C4orf17: variants seen among roughly 807,000 people sequenced by gnomAD.
The protein encoded by C4orf17 is chromosome 4 open reading frame 17, also known as uncharacterized protein C4orf17.
C4orf17 carries 25 observed loss-of-function variants against 32.0 expected under a neutral mutation model. The observed-to-expected ratio is 0.78, with a 90% CI of 0.57 to 1.09. C4orf17 has a LOEUF of 1.09. Among genes scored for constraint, C4orf17 ranks in the 50% least tolerant of loss-of-function variants. C4orf17 has a pLI of 0.00. For missense variants in C4orf17, 420 were observed against 420.0 expected, an observed-to-expected ratio of 1.00 and a Z score of 0.00; for synonymous variants, 149 against 145.8, an observed-to-expected ratio of 1.02 and a Z score of -0.16.
intron 4 of C4orf17, 113 bp from the exon 5 acceptor site, chr4:99,529,702 T>G: frequency 1.3e-6 from 1 of 790,424 alleles, no homozygotes; most frequent in South Asian, 3.3e-5. Flanking sequence ...TTTTTTTACT[T>G]TCATGTATCT....
chr4:99,539,941 A>G (rs1578197325), intron 7 of C4orf17, among the ~76,000 whole-genome samples: 1 of 152,100 alleles, frequency 6.6e-6, no homozygotes, highest in Non-Finnish European at 1.5e-5. Flanking sequence ...ACAGAAGAAA[A>G]ATATATATTT....
At chr4:99,524,129 G>A (rs577168944) in intron 3 of C4orf17, among the ~76,000 whole-genome samples, 74 of 151,884 alleles carry the variant, frequency 4.9e-4, no homozygotes, top group Admixed American at 1.0e-3. Flanking sequence ...ACAGGCGCCC[G>A]CCACCACGCC....
chr4:99,532,981 G>A (rs1723500493), intron 5 of C4orf17, among the ~76,000 whole-genome samples: 1 of 152,188 alleles, frequency 6.6e-6, no homozygotes, highest in Admixed American at 6.5e-5. Flanking sequence ...ACTAAGGAGT[G>A]AGAGCATTGC....
At position 99,522,575 on chromosome 4, in the gene C4orf17, C is replaced by A. The variant is rs763372725; in HGVS notation, c.203C>A (p.Ser68Tyr). ...GGAACATTGTGGGGAGTTGGCCAGT[C>A]TAACTACTTAGAGAAGAACAGGATA... ...AFGTLWGVGQ[S>Y]NYLEKNRIPF... Residue 68 changes from serine (S) to tyrosine (Y), a missense_variant, in exon 3 of 9, where the codon TCT (serine) becomes TAT (tyrosine). Coordinates refer to ENST00000326581, the MANE Select transcript of C4orf17 (RefSeq NM_032149.3). 6.2e-7 allele frequency: 1 copy of A among 1,613,966 alleles called. No homozygotes were observed. The highest frequency in any genetic ancestry group is 1.1e-5 in the South Asian group (1 of 91,076).
At chr4:99,526,145 T>C (rs1379390267) in intron 4 of C4orf17, among the ~76,000 whole-genome samples, 1 of 152,234 alleles carries the variant, frequency 6.6e-6, no homozygotes, top group African/African-American at 2.4e-5. Flanking sequence ...GGATGACCTT[T>C]ATATGGCTGA....
intron 4 of C4orf17, among the ~76,000 whole-genome samples, chr4:99,525,777 CAG>C (rs1230034929): frequency 6.7e-6 from 1 of 148,486 alleles, no homozygotes; most frequent in African/African-American, 2.5e-5. Flanking sequence ...CGCCTGGTGA[CAG>C]AGCAAGATTC....
intron 5 of C4orf17, among the ~76,000 whole-genome samples, chr4:99,530,511 A>T (rs1022361957): frequency 1.0e-4 from 15 of 146,108 alleles, no homozygotes; most frequent in Non-Finnish European, 1.5e-5. Flanking sequence ...CAGTCAGCTG[A>T]TATTTGTCAT....
intron 4 of C4orf17, among the ~76,000 whole-genome samples, chr4:99,524,897 G>A (rs1308272222): frequency 6.6e-6 from 1 of 152,050 alleles, no homozygotes; most frequent in Non-Finnish European, 1.5e-5. Context: ...ACATTAGCAT[G>A]GACTTTTTTG....
At chr4:99,529,724 C>A in intron 4 of C4orf17, 91 bp from the exon 5 acceptor site, 1 of 1,052,340 alleles carries the variant, frequency 9.5e-7, no homozygotes, top group Non-Finnish European at 1.3e-6. Flanking sequence ...TCTTATTAGG[C>A]ACAATATTTC....
At chr4:99,518,156 C>A (rs548817753) in intron 2 of C4orf17, among the ~76,000 whole-genome samples, 1 of 152,038 alleles carries the variant, frequency 6.6e-6, no homozygotes, top group Non-Finnish European at 1.5e-5. Flanking sequence ...CCTTTGATGA[C>A]TACTTTGCAA....
At chr4:99,529,706 T>C in intron 4 of C4orf17, 109 bp from the exon 5 acceptor site, 1 of 815,814 alleles carries the variant, frequency 1.2e-6, no homozygotes, top group Non-Finnish European at 1.8e-6. Flanking sequence ...TTTACTTTCA[T>C]GTATCTCTCT....
At chr4:99,518,544 T>TAGAGAGAGAGAGAGAGAGAG (rs70958313) in intron 2 of C4orf17, among the ~76,000 whole-genome samples, 1 of 36,830 alleles carries the variant, frequency 2.7e-5, no homozygotes, top group Non-Finnish European at 4.5e-5. Flanking sequence ...TATATATATA[T>TAGAGAGAGAGAGAGAGAGAG]AGAGAGAGAG....
chr4:99,529,725 A>T, intron 4 of C4orf17, 90 bp from the exon 5 acceptor site: 1 of 1,078,800 alleles, frequency 9.3e-7, no homozygotes, highest in Non-Finnish European at 1.3e-6. Context: ...CTTATTAGGC[A>T]CAATATTTCT....
At chr4:99,541,874 A>G in intron 8 of C4orf17, 36 bp from the exon 9 acceptor site, 2 of 1,476,008 alleles carry the variant, frequency 1.4e-6, no homozygotes, top group South Asian at 1.2e-5. Context: ...CAGTGTCTCA[A>G]TTATGGTCTT....
At chr4:99,520,347 A>C (rs936042619) in intron 2 of C4orf17, among the ~76,000 whole-genome samples, 7 of 152,100 alleles carry the variant, frequency 4.6e-5, no homozygotes, top group Non-Finnish European at 1.0e-4. Context: ...CGCCCGCCTC[A>C]GCCTCCCAAA....
intron 2 of C4orf17, 152 bp from the exon 3 acceptor site, chr4:99,522,348 T>TA: frequency 2.6e-6 from 1 of 378,252 alleles, no homozygotes; most frequent in East Asian, 3.7e-5. Context: ...CATAATACAA[T>TA]TTTTTTTTTT....
rs116542389 is a variant in C4orf17, at chr4:99,522,208, C to T, written c.128-292C>T. Among the ~76,000 whole-genome samples the T allele has an allele frequency of 3.7e-3, 557 of 152,286 alleles. 1 individual carries two copies. Among genetic ancestry groups the T allele is most frequent in the African/African-American group, 0.013 (532 of 41,544 alleles). The stretch of plus-strand genomic sequence containing the variant: ...AGATTTGTCTGGGATAGAAGGTCTA[C>T]TCCACTTGAATCCCAGACCAACATC... On this transcript the variant is annotated intron_variant, in intron 2 of 8. Coordinates refer to ENST00000326581, the MANE Select transcript of C4orf17 (RefSeq NM_032149.3).
intron 5 of C4orf17, among the ~76,000 whole-genome samples, chr4:99,534,996 AC>A (rs1453556701): frequency 2.6e-5 from 4 of 151,872 alleles, no homozygotes; most frequent in African/African-American, 7.3e-5. Context: ...CGCTTATGAA[AC>A]TCAGTTTGGC....
intron 6 of C4orf17, among the ~76,000 whole-genome samples, chr4:99,538,283 C>T (rs1428962918): frequency 6.6e-6 from 1 of 152,182 alleles, no homozygotes; most frequent in East Asian, 1.9e-4. Context: ...TGATAAATGG[C>T]AGAGAGCTAT....
Sources: allele counts gnomAD v4.1 joint callset (sites outside exome capture counted in the v4.1 genomes callset), GRCh38; gene constraint gnomAD v4.1.1; transcripts MANE v1.5; gene names NCBI Gene and HGNC (gene_info 2026-07-23, HGNC 2026-07-21).